Variants in CALN1 observed in about 807,000 individuals in gnomAD.
CALN1 encodes calcium-binding protein 8.
CALN1 carries 17 observed loss-of-function variants against 30.6 expected under a neutral mutation model. That is an observed-to-expected ratio of 0.56 (90% confidence interval 0.38 to 0.83). CALN1 has a LOEUF of 0.83. Among genes scored for constraint, CALN1 ranks in the 40% least tolerant of loss-of-function variants. CALN1 has a pLI of 0.00. For missense variants in CALN1, 291 were observed against 354.9 expected (o/e 0.82, Z 1.45); for synonymous variants, 156 against 131.4 (o/e 1.19, Z -1.28).
intron 3 of CALN1, among the ~76,000 whole-genome samples, chr7:72,163,408 A>AAATG: frequency 6.7e-6 from 1 of 150,320 alleles, no homozygotes; most frequent in Admixed American, 6.7e-5. Flanking sequence ...AAAAAAAAAA[A>AAATG]AACAGAAAAA....
chr7:71,858,730 C>CTA (rs1294075250), intron 5 of CALN1, among the ~76,000 whole-genome samples: 1 of 152,126 alleles, frequency 6.6e-6, no homozygotes, highest in African/African-American at 2.4e-5. Context: ...GTGAATCTAC[C>CTA]TATGACCTGG....
In CALN1 at chr7:72,187,083, T is replaced by C. The variant is rs1790258579; in HGVS notation, c.245-80789A>G. On this transcript the variant is annotated intron_variant, in intron 3 of 6. Transcript: ENST00000395275. ...TGGAAATTTGGTAAAAGAATATGATTGCTTTAGCCAGTTAAAAGTTGCAAG... is the reference window on the plus strand; with the variant it reads ...TGGAAATTTGGTAAAAGAATATGATCGCTTTAGCCAGTTAAAAGTTGCAAG... Among the ~76,000 whole-genome samples, 3 of 152,096 alleles carry C rather than the reference T, an allele frequency of 2.0e-5. No individual in the cohort carries two copies. In the South Asian group the frequency reaches 6.2e-4, roughly 32 times the overall value.
chr7:72,130,885 A>G (rs1809095496), intron 3 of CALN1, among the ~76,000 whole-genome samples: 1 of 66,430 alleles, frequency 1.5e-5, no homozygotes, highest in Non-Finnish European at 2.9e-5. Context: ...GGTAATTTGA[A>G]TAAACAGGTT....
chr7:72,460,149 C>T, the CALN1 span, among the ~76,000 whole-genome samples: 5,736 of 152,144 alleles, frequency 0.038, 343 homozygotes, highest in African/African-American at 0.13. Flanking sequence ...CTCATTACCA[C>T]GGAGATGGCA....
At chr7:72,165,277 G>A (rs1458738837) in intron 3 of CALN1, among the ~76,000 whole-genome samples, 3 of 152,058 alleles carry the variant, frequency 2.0e-5, no homozygotes, top group African/African-American at 4.8e-5. Flanking sequence ...TAGAAGTGGC[G>A]GCCAGGCATG....
chr7:72,298,397 G>A (rs1799014733), intron 2 of CALN1, among the ~76,000 whole-genome samples: 1 of 152,176 alleles, frequency 6.6e-6, no homozygotes, highest in South Asian at 2.1e-4. Flanking sequence ...TTGTCTTTTG[G>A]AAGTCTGTTA....
intron 3 of CALN1, among the ~76,000 whole-genome samples, chr7:72,179,417 C>T (rs1425449289): frequency 6.6e-6 from 1 of 152,176 alleles, no homozygotes; most frequent in East Asian, 1.9e-4. Flanking sequence ...CAGGTTAAGG[C>T]AAGTGTCACT....
chr7:72,106,793 GAA>G lies in CALN1; in HGVS notation c.245-501_245-500del. Among the ~76,000 whole-genome samples, 8 of 51,388 alleles carry G rather than the reference GAA, an allele frequency of 1.6e-4. 1 individual carries two copies. Among genetic ancestry groups the G allele is most frequent in the Non-Finnish European group, 1.2e-4 (3 of 24,078 alleles). The allele number at this position is 51,388 out of a possible 152,430, so 33.7% of individuals were successfully genotyped here. On this transcript the variant is annotated intron_variant, in intron 3 of 6. Transcript: ENST00000395275. ...GGGAGGGAGGAAGGAAGGGAGGGAG[GAA>G]GGAAGGGAGGGAGGAAGGAAGGGAG... is the stretch of plus-strand genomic sequence containing the variant.
chr7:72,412,286 A>G lies in CALN1; in HGVS notation c.-302T>C, dbSNP rs1165479805. The G allele has an allele frequency of 6.6e-6, 1 of 152,058 alleles. No homozygotes were observed. Among genetic ancestry groups the G allele is most frequent in the Non-Finnish European group, 1.5e-5 (1 of 68,028 alleles). The allele number at this position is 152,058 out of a possible 1,614,324, so 9.4% of individuals were successfully genotyped here. On this transcript the variant is annotated 5_prime_UTR_variant, in exon 1 of 7. Coordinates refer to ENST00000395275, the MANE Select transcript of CALN1 (RefSeq NM_031468.4). The stretch of plus-strand genomic sequence containing the variant: ...AGAGTAAGCAGTAAGCTTTATTAAG[A>G]AGCAGGAAAGAAAAAAACACAAACT...
chr7:71,817,113 GA>G (rs150808058), intron 5 of CALN1, among the ~76,000 whole-genome samples: 9,918 of 152,140 alleles, frequency 0.065, 420 homozygotes, highest in Non-Finnish European at 0.09. Flanking sequence ...TCAAAAGTTT[GA>G]AAAAAATCAC....
At chr7:71,942,247 C>A in intron 5 of CALN1, 1 of 194,298 alleles carries the variant, frequency 5.1e-6, no homozygotes. Flanking sequence ...GCCAGACCGC[C>A]ACGCCGCCGT....
At chr7:71,961,092 C>G (rs981600535) in intron 5 of CALN1, among the ~76,000 whole-genome samples, 1 of 152,214 alleles carries the variant, frequency 6.6e-6, no homozygotes, top group African/African-American at 2.4e-5. Flanking sequence ...GCTGGAATTA[C>G]AGGCATGAGC....
chr7:72,081,324 G>A (rs955525367), intron 4 of CALN1, among the ~76,000 whole-genome samples: 1 of 149,728 alleles, frequency 6.7e-6, no homozygotes, highest in African/African-American at 2.5e-5. Flanking sequence ...ATTCAATTAC[G>A]GTTAGAATTG....
At chr7:71,819,523 GT>G (rs1788474086) in intron 5 of CALN1, among the ~76,000 whole-genome samples, 1 of 152,178 alleles carries the variant, frequency 6.6e-6, no homozygotes, top group Non-Finnish European at 1.5e-5. Flanking sequence ...CAAGTGTACA[GT>G]TCTGTGGCAT....
At chr7:72,297,695 C>A (rs1303550465) in intron 2 of CALN1, among the ~76,000 whole-genome samples, 2 of 152,212 alleles carry the variant, frequency 1.3e-5, no homozygotes. Flanking sequence ...CAAAAATACA[C>A]CTCCGTAAGA....
intron 2 of CALN1, among the ~76,000 whole-genome samples, chr7:72,376,429 A>C (rs531069565): frequency 3.5e-4 from 53 of 152,294 alleles, no homozygotes; most frequent in African/African-American, 1.2e-3. Flanking sequence ...GGGTTTTGAT[A>C]TTATTGTGGT....
intron 5 of CALN1, among the ~76,000 whole-genome samples, chr7:71,870,155 G>A (rs928633872): frequency 2.6e-5 from 4 of 152,188 alleles, no homozygotes; most frequent in Non-Finnish European, 5.9e-5. Context: ...GTCCGAGGTG[G>A]GCCGATCACC....
At chr7:72,498,154 A>C in the CALN1 span, among the ~76,000 whole-genome samples, 5 of 152,298 alleles carry the variant, frequency 3.3e-5, no homozygotes, top group African/African-American at 1.2e-4. Flanking sequence ...ATGTATAAAA[A>C]AGGTGAAAGC....
At chr7:72,169,751 G>A (rs569895481) in intron 3 of CALN1, among the ~76,000 whole-genome samples, 5 of 151,488 alleles carry the variant, frequency 3.3e-5, no homozygotes, top group East Asian at 1.9e-4. Context: ...GTACAATCGC[G>A]CGATCTCGGC....
Sources: gnomAD v4.1 joint callset for allele counts (sites outside exome capture counted in the v4.1 genomes callset) on GRCh38, gnomAD v4.1.1 for gene constraint, MANE v1.5 for transcripts, NCBI Gene and HGNC (gene_info 2026-07-23, HGNC 2026-07-21) for gene names.